Variants in KDSR observed in about 807,000 individuals in gnomAD.
KDSR encodes the protein 3-dehydrosphinganine reductase.
Under a neutral mutation model 41.3 loss-of-function variants are expected in KDSR, and 23 were observed. The ratio of observed to expected loss-of-function variants is 0.56; its 90% CI spans 0.40 to 0.79. The LOEUF (loss-of-function observed/expected upper bound fraction) is 0.79, where lower values mean the gene tolerates loss of function less well. Ranked by LOEUF, KDSR falls within the 30% of genes least tolerant of loss-of-function variation. The pLI, the probability that KDSR is intolerant of heterozygous loss-of-function variation, is 0.00. For synonymous variants in KDSR, 138 were observed against 151.7 expected, an observed-to-expected ratio of 0.91 and a Z score of 0.66; for missense variants, 351 against 416.8, an observed-to-expected ratio of 0.84 and a Z score of 1.37.
intron 8 of KDSR, 108 bp from the exon 9 acceptor site, chr18:63,335,466 A>G: frequency 1.3e-6 from 1 of 750,332 alleles, no homozygotes; most frequent in Non-Finnish European, 2.3e-6. Context: ...TAAGTGAGAT[A>G]AAATGGTCAC....
In KDSR at chr18:63,338,787, G is replaced by A. The variant is rs1217142454; in HGVS notation, c.777+13C>T. 2 of 1,543,892 alleles carry A rather than the reference G, an allele frequency of 1.3e-6. No homozygotes were observed. The highest frequency in any genetic ancestry group is 3.4e-5 in the Admixed American group (2 of 58,018). ...CAAACACAAATAGTACAGAAAACAA[G>A]GATTTTACTTACTATGGCATCTTTA... On this transcript the variant is annotated intron_variant, in intron 8 of 9. Transcript: ENST00000645214.
chr18:63,337,094 TTA>T (rs369862895), intron 8 of KDSR, among the ~76,000 whole-genome samples: 15 of 38,690 alleles, frequency 3.9e-4, no homozygotes, highest in South Asian at 6.2e-4. Context: ...ATATGTGACT[TTA>T]TATATATATA....
rs1331671716 is a variant in KDSR, at chr18:63,360,998, A to AATATATATATATATATATAATATATATAT, written c.199-1207_199-1206insATATATATATTATATATATATATATATAT. ...AGTAAAACCCTGTCTCTACTAAAAA[A>AATATATATATATATATATAATATATATAT]AAAATATATATATATATAAAATATA... On this transcript the variant is annotated intron_variant, in intron 2 of 9. Transcript: ENST00000645214. 1.0e-4 allele frequency among the ~76,000 whole-genome samples: 3 copies of AATATATATATATATATATAATATATATAT among 29,718 alleles called. No individual in the cohort carries two copies. The South Asian group carries it at 3.0e-3, about 30-fold the overall frequency. The allele number at this position is 29,718 out of a possible 152,430, so 19.5% of individuals were successfully genotyped here. A position where few individuals can be genotyped will look rare whatever the true frequency, so the allele number is the denominator to read the frequency against.
chr18:63,331,956 G>A, intron 9 of KDSR, 55 bp from the exon 10 acceptor site: 3 of 1,573,422 alleles, frequency 1.9e-6, no homozygotes, highest in Non-Finnish European at 2.6e-6. Flanking sequence ...ACTATTTCAA[G>A]GTACCTAGGT....
intron 1 of KDSR, 52 bp from the exon 2 acceptor site, chr18:63,362,920 G>C (rs1306067735): frequency 3.1e-6 from 4 of 1,275,864 alleles, no homozygotes; most frequent in Non-Finnish European, 4.5e-6. Flanking sequence ...CCCTCTGTAG[G>C]AAGTTTTTAT....
chr18:63,347,456 A>G (rs1446447815), intron 6 of KDSR, among the ~76,000 whole-genome samples: 2 of 147,770 alleles, frequency 1.4e-5, no homozygotes, highest in East Asian at 2.0e-4. Context: ...AGATCACACA[A>G]CTGCACTCCA....
At chr18:63,338,317 A>G (rs1914243718) in intron 8 of KDSR, among the ~76,000 whole-genome samples, 1 of 152,254 alleles carries the variant, frequency 6.6e-6, no homozygotes, top group South Asian at 2.1e-4. Flanking sequence ...TCTACAAAAC[A>G]GCACATCATT....
At chr18:63,357,587 TA>T (rs1464596602) in intron 3 of KDSR, among the ~76,000 whole-genome samples, 39 of 67,242 alleles carry the variant, frequency 5.8e-4, no homozygotes, top group African/African-American at 2.4e-3. Flanking sequence ...TATATATATA[TA>T]TATATATTTT....
rs187166689 is a variant in KDSR at position 63,354,361 on chromosome 18, C to T, written c.417+843G>A. ...TGTTGATGCGATGGCAACTAAAAAA[C>T]GTTTTCCATTTTAAAAACATTTCAG... On this transcript the variant is annotated intron_variant, in intron 5 of 9. Coordinates refer to ENST00000645214, the MANE Select transcript of KDSR (RefSeq NM_002035.4). Among the ~76,000 whole-genome samples, 29 of 152,292 alleles carry T rather than the reference C, an allele frequency of 1.9e-4. No individual in the cohort carries two copies. The East Asian group carries it at 4.8e-3, about 25-fold the overall frequency.
intron 3 of KDSR, among the ~76,000 whole-genome samples, chr18:63,358,253 C>T (rs1914860568): frequency 1.3e-5 from 2 of 151,922 alleles, no homozygotes; most frequent in African/African-American, 2.4e-5. Flanking sequence ...GGAAGTTATA[C>T]AAATCTATAG....
chr18:63,355,981 A>G (rs1348370151), intron 3 of KDSR, among the ~76,000 whole-genome samples: 2 of 152,210 alleles, frequency 1.3e-5, no homozygotes, highest in African/African-American at 4.8e-5. Flanking sequence ...TAAGAAAAGG[A>G]AACAGCCCTC....
chr18:63,337,584 C>G (rs1485894557), intron 8 of KDSR, among the ~76,000 whole-genome samples: 1 of 152,112 alleles, frequency 6.6e-6, no homozygotes, highest in Non-Finnish European at 1.5e-5. Context: ...AACCACTAAA[C>G]TAAATGAATA....
chr18:63,335,152 A>G, intron 9 of KDSR, 105 bp downstream of exon 9: 1 of 675,152 alleles, frequency 1.5e-6, no homozygotes, highest in Non-Finnish European at 2.6e-6. Flanking sequence ...ATTGTCAAAT[A>G]AAGTTACTTA....
chr18:63,348,696 C>T (rs1040329427), intron 6 of KDSR, among the ~76,000 whole-genome samples: 1 of 152,122 alleles, frequency 6.6e-6, no homozygotes. Context: ...ACCAGCAATC[C>T]ACTTTCTTTT....
At position 63,335,295 on chromosome 18, in the gene KDSR, T is replaced by A; in HGVS notation, c.841A>T (p.Met281Leu). ...TCAGTAATAGAAGTTACTGGAGCCA[T>A]CCCACAGGTCAGGGCCGAGAGCATG... Reference protein sequence around the residue: ...GYMLSALTCGMAPVTSITEGL... With the variant: ...GYMLSALTCGLAPVTSITEGL... The change falls in exon 9 of 10, where the codon ATG (methionine) becomes TTG (leucine). Residue 281 changes from methionine (M) to leucine (L), a missense_variant. Coordinates refer to ENST00000645214, the MANE Select transcript of KDSR (RefSeq NM_002035.4). 2 of 1,613,986 alleles carry A rather than the reference T, an allele frequency of 1.2e-6. No individual in the cohort carries two copies. The highest frequency in any genetic ancestry group is 1.7e-6 in the Non-Finnish European group (2 of 1,179,916).
chr18:63,336,374 T>C (rs574397880), intron 8 of KDSR, among the ~76,000 whole-genome samples: 1 of 151,994 alleles, frequency 6.6e-6, no homozygotes, highest in South Asian at 2.1e-4. Flanking sequence ...AGGAAATCTA[T>C]AGTAATTCAG....
intron 6 of KDSR, among the ~76,000 whole-genome samples, chr18:63,350,661 C>G (rs1914636489): frequency 6.6e-6 from 1 of 152,122 alleles, no homozygotes; most frequent in South Asian, 2.1e-4. Context: ...TTAAGTTAAA[C>G]AAGCAAAAAT....
At position 63,351,467 on chromosome 18, in the gene KDSR, A is replaced by C. The variant is rs941263202; in HGVS notation, c.418-388T>G. On this transcript the variant is annotated intron_variant, in intron 5 of 9. Transcript: ENST00000645214. ...AGTATTTGTAGCCCTATTAGTTCTAAGCTATAAGAAAAACACAGAGTAGGA... is the reference window on the plus strand; with the variant it reads ...AGTATTTGTAGCCCTATTAGTTCTACGCTATAAGAAAAACACAGAGTAGGA... Among the ~76,000 whole-genome samples, 109 of 152,220 alleles carry C rather than the reference A, an allele frequency of 7.2e-4. 1 individual carries two copies. The highest frequency in any genetic ancestry group is 2.6e-3 in the African/African-American group (107 of 41,444).
intron 6 of KDSR, among the ~76,000 whole-genome samples, chr18:63,349,609 C>T (rs1914607163): frequency 6.6e-6 from 1 of 152,252 alleles, no homozygotes; most frequent in Non-Finnish European, 1.5e-5. Flanking sequence ...CATGATCTAT[C>T]AGTCCCTACG....
Sources: allele counts gnomAD v4.1 joint callset (sites outside exome capture counted in the v4.1 genomes callset), GRCh38; gene constraint gnomAD v4.1.1; transcripts MANE v1.5; gene names NCBI Gene and HGNC (gene_info 2026-07-23, HGNC 2026-07-21).